The following IL1RAPL1 variants were observed in gnomAD, a reference collection of about 807,000 sequenced individuals.
IL1RAPL1 encodes the protein interleukin-1 receptor accessory protein-like 1.
Under a neutral mutation model 48.4 loss-of-function variants are expected in IL1RAPL1, and 3 were observed. The ratio of observed to expected loss-of-function variants is 0.06; its 90% CI spans 0.03 to 0.16. IL1RAPL1 has a LOEUF of 0.16. Among genes scored for constraint, IL1RAPL1 ranks in the 10% least tolerant of loss-of-function variants. The pLI is 1.00. For synonymous variants in IL1RAPL1, 185 were observed against 187.7 expected (o/e 0.99, Z 0.12); for missense variants, 349 against 530.6 (o/e 0.66, Z 3.36).
chrX:29,475,757 C>T (rs1222387113), intron 5 of IL1RAPL1, among the ~76,000 whole-genome samples: 3 of 111,137 alleles, frequency 2.7e-5, no homozygotes, highest in South Asian at 3.8e-4. Context: ...TAAGACGAAG[C>T]GCTTATTTCT....
chrX:29,272,801 A>C (rs1345489685), intron 2 of IL1RAPL1, among the ~76,000 whole-genome samples: 2 of 111,504 alleles, frequency 1.8e-5, no homozygotes, highest in Non-Finnish European at 3.8e-5. Context: ...GTCTCTTTAC[A>C]TAATTCCATA....
At chrX:29,540,070 C>T (rs942585902) in intron 5 of IL1RAPL1, among the ~76,000 whole-genome samples, 13 of 111,638 alleles carry the variant, frequency 1.2e-4, no homozygotes, top group Admixed American at 3.8e-4. Flanking sequence ...AACTGATTGA[C>T]TTCAATAAAG....
chrX:29,187,338 G>T (rs1285298224), intron 2 of IL1RAPL1, among the ~76,000 whole-genome samples: 2 of 111,177 alleles, frequency 1.8e-5, no homozygotes, highest in Non-Finnish European at 3.8e-5. Context: ...AGCTAACAAG[G>T]TAGCTTGCCA....
At chrX:28,989,840 A>C (rs1406952322) in intron 2 of IL1RAPL1, among the ~76,000 whole-genome samples, 4 of 111,853 alleles carry the variant, frequency 3.6e-5, no homozygotes, top group African/African-American at 1.3e-4. Flanking sequence ...AATTTTCTTA[A>C]AAAGTGTCAT....
At position 29,063,468 on chromosome X, in the gene IL1RAPL1, T is replaced by C. The variant is rs980662358; in HGVS notation, c.83-219470T>C. Among the ~76,000 whole-genome samples, 5 of 111,611 alleles carry C rather than the reference T, an allele frequency of 4.5e-5. No homozygotes were observed. In the East Asian group the frequency reaches 1.4e-3, roughly 31 times the overall value. ...TCTGAGCATACAATAGGGCTACCAATCCATTTTTGTTCTCCAACTATATTT... is the reference window on the plus strand; with the variant it reads ...TCTGAGCATACAATAGGGCTACCAACCCATTTTTGTTCTCCAACTATATTT... On this transcript the variant is annotated intron_variant, in intron 2 of 10. Coordinates refer to ENST00000378993, the MANE Select transcript of IL1RAPL1 (RefSeq NM_014271.4).
At chrX:28,618,506 A>C (rs1377534400) in intron 1 of IL1RAPL1, among the ~76,000 whole-genome samples, 1 of 111,582 alleles carries the variant, frequency 9.0e-6, no homozygotes, top group Non-Finnish European at 1.9e-5. Context: ...AAGTTATCTT[A>C]TCTTTACAAC....
chrX:28,999,958 C>T (rs185230821), intron 2 of IL1RAPL1, among the ~76,000 whole-genome samples: 13 of 111,450 alleles, frequency 1.2e-4, no homozygotes, highest in African/African-American at 3.3e-4. Flanking sequence ...CAGCATTCCC[C>T]GGCTCCTCCA....
chrX:29,199,103 T>C (rs1406625786), intron 2 of IL1RAPL1, among the ~76,000 whole-genome samples: 1 of 112,025 alleles, frequency 8.9e-6, no homozygotes, highest in Non-Finnish European at 1.9e-5. Flanking sequence ...AACAATTAAA[T>C]AAATTATGGT....
chrX:29,788,546 A>G (rs1402422108), intron 6 of IL1RAPL1, among the ~76,000 whole-genome samples: 3 of 111,247 alleles, frequency 2.7e-5, no homozygotes, highest in Non-Finnish European at 5.7e-5. Flanking sequence ...AATTGTACAT[A>G]TGTATGGGGT....
chrX:29,204,189 A>T (rs774315986), intron 2 of IL1RAPL1, among the ~76,000 whole-genome samples: 7 of 111,913 alleles, frequency 6.3e-5, no homozygotes, highest in Non-Finnish European at 1.3e-4. Context: ...CAGGAGTGAG[A>T]ATATCTCTTC....
At chrX:29,006,639 TTATA>T (rs1309460663) in intron 2 of IL1RAPL1, among the ~76,000 whole-genome samples, 3 of 87,968 alleles carry the variant, frequency 3.4e-5, no homozygotes, top group South Asian at 6.5e-4. Flanking sequence ...TTGTGTGTGT[TTATA>T]TATATGTGTG....
intron 2 of IL1RAPL1, among the ~76,000 whole-genome samples, chrX:29,075,867 C>T (rs1927659330): frequency 8.9e-6 from 1 of 111,799 alleles, no homozygotes; most frequent in South Asian, 3.7e-4. Flanking sequence ...GGAGTGCTTT[C>T]TCTCTACTTG....
At chrX:29,094,965 CTT>C (rs1267627248) in intron 2 of IL1RAPL1, among the ~76,000 whole-genome samples, 1 of 107,969 alleles carries the variant, frequency 9.3e-6, no homozygotes, top group Non-Finnish European at 1.9e-5. Flanking sequence ...AATTCCATCT[CTT>C]TTTTATAGCT....
intron 5 of IL1RAPL1, among the ~76,000 whole-genome samples, chrX:29,623,291 AAAAGAAAG>A (rs974909248): frequency 2.7e-5 from 3 of 109,961 alleles, no homozygotes; most frequent in South Asian, 3.8e-4. Flanking sequence ...CAAAAAAAAA[AAAAGAAAG>A]AAAGAAAGAA....
chrX:29,589,313 T>C (rs1923291990), intron 5 of IL1RAPL1, among the ~76,000 whole-genome samples: 1 of 111,940 alleles, frequency 8.9e-6, no homozygotes, highest in Non-Finnish European at 1.9e-5. Context: ...ATGCATTCAA[T>C]GTATTCATAG....
chrX:29,712,267 T>C (rs1927372572), intron 6 of IL1RAPL1, among the ~76,000 whole-genome samples: 1 of 110,422 alleles, frequency 9.1e-6, no homozygotes, highest in Non-Finnish European at 1.9e-5. Flanking sequence ...TAAGGTGATA[T>C]CAGAAAATTT....
chrX:29,936,381 T>G (rs1362450994), intron 8 of IL1RAPL1, among the ~76,000 whole-genome samples: 2 of 111,152 alleles, frequency 1.8e-5, no homozygotes, highest in East Asian at 5.6e-4. Context: ...AAACTTGCAT[T>G]TTACTGCATA....
intron 2 of IL1RAPL1, among the ~76,000 whole-genome samples, chrX:28,881,386 A>C (rs1922497947): frequency 1.8e-5 from 2 of 111,823 alleles, no homozygotes; most frequent in Non-Finnish European, 3.8e-5. Flanking sequence ...AGTTCTGTAA[A>C]TGCAGTAATG....
At chrX:28,682,413 A>G (rs1935071976) in intron 1 of IL1RAPL1, among the ~76,000 whole-genome samples, 1 of 110,791 alleles carries the variant, frequency 9.0e-6, no homozygotes, top group Non-Finnish European at 1.9e-5. Context: ...GGTTCAAGCG[A>G]TTCTTCTGCC....
Sources: allele counts gnomAD v4.1 joint callset (sites outside exome capture counted in the v4.1 genomes callset), GRCh38; gene constraint gnomAD v4.1.1; transcripts MANE v1.5; gene names NCBI Gene and HGNC (gene_info 2026-07-23, HGNC 2026-07-21).